The following PLEKHA7 variants were observed in gnomAD, a reference collection of about 807,000 sequenced individuals.
The protein encoded by PLEKHA7 is pleckstrin homology domain-containing family A member 7.
Under a neutral mutation model 170.0 loss-of-function variants are expected in PLEKHA7, and 104 were observed. The observed-to-expected ratio is 0.61, with a 90% CI of 0.52 to 0.72. PLEKHA7 has a LOEUF of 0.72. Among genes scored for constraint, PLEKHA7 ranks in the 30% least tolerant of loss-of-function variants. The pLI is 0.00. For synonymous variants in PLEKHA7, 648 were observed against 660.8 expected (o/e 0.98, Z 0.30); for missense variants, 1,615 against 1,671.7 (o/e 0.97, Z 0.59).
At chr11:17,011,191 G>A (rs543619475) in intron 3 of PLEKHA7, among the ~76,000 whole-genome samples, 1 of 152,322 alleles carries the variant, frequency 6.6e-6, no homozygotes, top group South Asian at 2.1e-4. Context: ...CTGGTACTTT[G>A]GGACACTTGC....
At chr11:16,861,253 A>G (rs1215115200) in intron 4 of PLEKHA7, among the ~76,000 whole-genome samples, 1 of 152,102 alleles carries the variant, frequency 6.6e-6, no homozygotes, top group East Asian at 1.9e-4. Context: ...GGCTAGGAAC[A>G]GAGGCTCCAT....
chr11:16,907,943 C>G (rs1388211675), intron 3 of PLEKHA7, among the ~76,000 whole-genome samples: 3 of 145,644 alleles, frequency 2.1e-5, no homozygotes, highest in South Asian at 2.3e-4. Flanking sequence ...GCCTTGGGAT[C>G]CTGTTGATCT....
intron 15 of PLEKHA7, among the ~76,000 whole-genome samples, chr11:16,802,234 G>A (rs1467661465): frequency 6.6e-6 from 1 of 152,172 alleles, no homozygotes; most frequent in African/African-American, 2.4e-5. Flanking sequence ...AATAGAAAAG[G>A]CCAAATGTTG....
intron 19 of PLEKHA7, 121 bp downstream of exon 19, chr11:16,794,367 C>T: frequency 2.1e-6 from 2 of 941,184 alleles, no homozygotes; most frequent in Non-Finnish European, 3.4e-6. Context: ...ACTAAGGACT[C>T]CTTTAGGACG....
rs143149436 is a variant in PLEKHA7 at position 16,948,345 on chromosome 11, C to A, written c.221+65644G>T. On this transcript the variant is annotated intron_variant, in intron 3 of 26. Coordinates refer to ENST00000531066, the MANE Select transcript of PLEKHA7 (RefSeq NM_001329630.2). Reference sequence around the variant, plus strand: ...GTGTTTGTACCACAGAATAAGTATGCGAGATATTATATACATTAAATAATA... The same window carrying A: ...GTGTTTGTACCACAGAATAAGTATGAGAGATATTATATACATTAAATAATA... Among the ~76,000 whole-genome samples the A allele has an allele frequency of 2.3e-4, 35 of 152,092 alleles. 1 individual carries two copies. The South Asian group carries it at 6.0e-3, about 26-fold the overall frequency.
intron 23 of PLEKHA7, chr11:16,786,756 A>G (rs1249702160): frequency 2.0e-6 from 2 of 985,348 alleles, no homozygotes; most frequent in South Asian, 4.7e-5. Context: ...CAGCTGGTTC[A>G]GGAGACATAC....
Position 16,783,748 on chromosome 11 carries a change from G to A in PLEKHA7, c.3602C>T (p.Ala1201Val), listed in dbSNP as rs533445138. ...EEPPSLEELQARYRKAEKIRN... is the reference protein window; with the variant it reads ...EEPPSLEELQVRYRKAEKIRN... The stretch of plus-strand genomic sequence containing the variant: ...GATCTTCTCGGCTTTGCGGTACCGC[G>A]CCTGCAGCTCCTCAAGGCTGGGTGG... Residue 1201 changes from alanine to valine, a missense_variant, in exon 25 of 27, where the codon GCG becomes GTG. By Grantham distance (64) the Ala-to-Val change is moderately conservative. Transcript: ENST00000531066. 118 of 1,507,374 alleles carry A rather than the reference G, an allele frequency of 7.8e-5. No individual in the cohort carries two copies. The highest frequency in any genetic ancestry group is 9.4e-5 in the Non-Finnish European group (106 of 1,133,088). The allele number at this position is 1,507,374 out of a possible 1,614,324, so 93.4% of individuals were successfully genotyped here. A position where few individuals can be genotyped will look rare whatever the true frequency, so the allele number is the denominator to read the frequency against.
At chr11:16,852,893 G>A (rs1853097907) in intron 6 of PLEKHA7, among the ~76,000 whole-genome samples, 1 of 152,168 alleles carries the variant, frequency 6.6e-6, no homozygotes, top group African/African-American at 2.4e-5. Context: ...CTATCAAATT[G>A]TCTCATAAGA....
At chr11:16,828,827 C>A (rs1017730421) in intron 9 of PLEKHA7, among the ~76,000 whole-genome samples, 2 of 152,128 alleles carry the variant, frequency 1.3e-5, no homozygotes, top group African/African-American at 2.4e-5. Context: ...TCAGAGTTAG[C>A]CCTGGGACTT....
rs145036106 is a variant in PLEKHA7 at position 16,816,979 on chromosome 11, A to T, written c.1687T>A (p.Ser563Thr). The T allele has an allele frequency of 1.3e-4, 214 of 1,608,556 alleles. No individual in the cohort carries two copies. In the African/African-American group the frequency reaches 2.3e-3, roughly 17 times the overall value. Residue 563 changes from serine (S) to threonine (T), a missense_variant, in exon 11 of 27, where the codon TCC (serine) becomes ACC (threonine). Ser to Thr is a moderately conservative substitution (Grantham distance 58). Transcript: ENST00000531066. Reference sequence around the variant, plus strand: ...GAGGGAGATGGAGGCACAGAGATGGAGCGGGGCACCTCTAGCATGCTCCTG... The same window carrying T: ...GAGGGAGATGGAGGCACAGAGATGGTGCGGGGCACCTCTAGCATGCTCCTG... ...RSRSMLEVPR[S>T]ISVPPSPSDI...
Position 16,816,339 on chromosome 11 carries a change from C to T in PLEKHA7, c.1867-75G>A, listed in dbSNP as rs577925517. ...TCACTCCCAGGGAAGCCGCCCCATG[C>T]CATGTCCCCTCTGAGCCCCAGACTT... On this transcript the variant is annotated intron_variant, in intron 11 of 26. Transcript: ENST00000531066. 6.2e-4 allele frequency: 642 copies of T among 1,031,112 alleles called. 2 individuals carry two copies. Among genetic ancestry groups the T allele is most frequent in the Admixed American group, 8.8e-4 (46 of 52,288 alleles). The allele number at this position is 1,031,112 out of a possible 1,614,324, so 63.9% of individuals were successfully genotyped here. A position where few individuals can be genotyped will look rare whatever the true frequency, so the allele number is the denominator to read the frequency against.
At position 16,801,895 on chromosome 11, in the gene PLEKHA7, A is replaced by C. The variant is rs1182988304; in HGVS notation, c.2158-78T>G. The C allele has an allele frequency of 4.5e-6, 7 of 1,567,400 alleles. No homozygotes were observed. The East Asian group carries it at 6.8e-5, about 15-fold the overall frequency. ...CCTCCCCATACCACACCAGGAACCA[A>C]AGCTACTGGACCTAACCAAGGCCGA... On this transcript the variant is annotated intron_variant, in intron 15 of 26. Transcript: ENST00000531066.
intron 3 of PLEKHA7, among the ~76,000 whole-genome samples, chr11:16,929,295 G>A (rs1265044982): frequency 6.6e-6 from 1 of 152,114 alleles, no homozygotes. Flanking sequence ...TTACCTCCTG[G>A]GCTATGCTTA....
At chr11:16,888,699 C>T (rs1181575998) in intron 3 of PLEKHA7, among the ~76,000 whole-genome samples, 1 of 152,114 alleles carries the variant, frequency 6.6e-6, no homozygotes, top group Non-Finnish European at 1.5e-5. Flanking sequence ...CCCAGGGACA[C>T]AAACACTGCG....
intron 3 of PLEKHA7, among the ~76,000 whole-genome samples, chr11:16,909,424 T>A (rs1858091571): frequency 6.6e-6 from 1 of 152,192 alleles, no homozygotes; most frequent in Non-Finnish European, 1.5e-5. Flanking sequence ...CATAAATTAC[T>A]GAGCAGAAAG....
intron 3 of PLEKHA7, among the ~76,000 whole-genome samples, chr11:16,980,535 A>G (rs1863361853): frequency 6.6e-6 from 1 of 152,244 alleles, no homozygotes; most frequent in Non-Finnish European, 1.5e-5. Flanking sequence ...GGCATGGCGG[A>G]TGAAAGCAGA....
intron 3 of PLEKHA7, among the ~76,000 whole-genome samples, chr11:16,953,195 G>A (rs1274233651): frequency 6.6e-6 from 1 of 152,202 alleles, no homozygotes; most frequent in African/African-American, 2.4e-5. Context: ...AAACAGCAAA[G>A]GTAAAGGCAT....
chr11:16,818,256 G>A (rs913122476), intron 10 of PLEKHA7, among the ~76,000 whole-genome samples: 1 of 152,180 alleles, frequency 6.6e-6, no homozygotes, highest in African/African-American at 2.4e-5. Flanking sequence ...TTCCTTACTT[G>A]TAACAGGAGG....
chr11:16,931,755 TC>T (rs11318824), intron 3 of PLEKHA7, among the ~76,000 whole-genome samples: 106,525 of 124,654 alleles, frequency 0.85, 45,778 homozygotes, highest in East Asian at 0.94. Flanking sequence ...TGAGATTCCA[TC>T]CCCCCCCCCC....
Sources: gnomAD v4.1 joint callset for allele counts (sites outside exome capture counted in the v4.1 genomes callset) on GRCh38, gnomAD v4.1.1 for gene constraint, MANE v1.5 for transcripts, NCBI Gene and HGNC (gene_info 2026-07-23, HGNC 2026-07-21) for gene names.